The following TGFBRAP1 variants were observed in gnomAD, a reference collection of about 807,000 sequenced individuals.
TGFBRAP1 encodes transforming growth factor beta receptor associated protein 1.
In TGFBRAP1, 20 loss-of-function variants were observed where a neutral mutation model predicts 83.2. The ratio of observed to expected loss-of-function variants is 0.24; its 90% confidence interval spans 0.17 to 0.35. TGFBRAP1 has a LOEUF of 0.35. Among genes scored for constraint, TGFBRAP1 ranks in the 10% least tolerant of loss-of-function variants. TGFBRAP1 has a pLI of 1.00. For synonymous variants in TGFBRAP1, 415 were observed against 459.8 expected (o/e 0.90, Z 1.25); for missense variants, 950 against 1,099.4 (o/e 0.86, Z 1.92).
intron 4 of TGFBRAP1, among the ~76,000 whole-genome samples, chr2:105,284,970 A>G (rs1056602435): frequency 1.3e-5 from 2 of 152,182 alleles, no homozygotes; most frequent in African/African-American, 4.8e-5. Flanking sequence ...CCACATTTCC[A>G]TGACCACTTT....
At chr2:105,290,149 C>T (rs1429248028) in intron 4 of TGFBRAP1, among the ~76,000 whole-genome samples, 8 of 152,210 alleles carry the variant, frequency 5.3e-5, no homozygotes, top group Non-Finnish European at 1.2e-4. Flanking sequence ...TCACTACAAC[C>T]TCCGCCTCAC....
At chr2:105,257,182 C>G in the TGFBRAP1 span, among the ~76,000 whole-genome samples, 2 of 152,118 alleles carry the variant, frequency 1.3e-5, no homozygotes, top group Non-Finnish European at 1.5e-5. Context: ...ATTTCTTGTG[C>G]GAGATCCAAG....
In TGFBRAP1 at chr2:105,280,737, G is replaced by A. The variant is rs747400754; in HGVS notation, c.1122-14C>T. 6 of 1,605,976 alleles carry A rather than the reference G, an allele frequency of 3.7e-6. No individual in the cohort carries two copies. The Admixed American group carries it at 8.5e-5, about 23-fold the overall frequency. On this transcript the variant is annotated splice_polypyrimidine_tract_variant and intron_variant, in intron 5 of 11. Transcript: ENST00000393359. ...AGCTGGCCGCTTCTGCAATTACAGT[G>A]TCAAACTAAATGAAGCAAAAAGAGA...
chr2:105,284,899 C>T (rs151181004), intron 4 of TGFBRAP1, among the ~76,000 whole-genome samples: 2 of 152,318 alleles, frequency 1.3e-5, no homozygotes, highest in Non-Finnish European at 2.9e-5. Context: ...CACATGAACA[C>T]ACCAACATCC....
chr2:105,253,572 C>G, the TGFBRAP1 span, among the ~76,000 whole-genome samples: 1 of 152,306 alleles, frequency 6.6e-6, no homozygotes, highest in South Asian at 2.1e-4. Flanking sequence ...GCTGGGACTA[C>G]AGGCGTGTGC....
intron 1 of TGFBRAP1, among the ~76,000 whole-genome samples, chr2:105,314,573 G>C (rs1202104858): frequency 1.3e-5 from 2 of 151,906 alleles, no homozygotes; most frequent in Non-Finnish European, 2.9e-5. Context: ...TCTTACGGCA[G>C]CCCTAGAAAG....
At chr2:105,315,147 G>T (rs1198187925) in intron 1 of TGFBRAP1, among the ~76,000 whole-genome samples, 1 of 151,780 alleles carries the variant, frequency 6.6e-6, no homozygotes, top group African/African-American at 2.4e-5. Flanking sequence ...TACAATAGTA[G>T]AAAATATAAG....
chr2:105,317,196 T>C (rs1284008701), intron 1 of TGFBRAP1, among the ~76,000 whole-genome samples: 2 of 152,088 alleles, frequency 1.3e-5, no homozygotes, highest in East Asian at 1.9e-4. Context: ...CCCAGCACTC[T>C]GGGAGGCCGA....
chr2:105,307,962 C>T lies in TGFBRAP1; in HGVS notation c.340G>A (p.Ala114Thr), dbSNP rs896792927. 4 of 1,614,232 alleles carry T rather than the reference C, an allele frequency of 2.5e-6. No homozygotes were observed. The highest frequency in any genetic ancestry group is 2.2e-5 in the East Asian group (1 of 44,882). ...MLNLEPVPSG[A>T]RIKGAATFAL... ...AACGTGGCTGCCCCCTTGATGCGGG[C>T]CCCCGAAGGCACTGGCTCGAGGTTC... Residue 114 changes from alanine (A) to threonine (T), a missense_variant, in exon 2 of 12, where the codon GCC (alanine) becomes ACC (threonine). Physicochemically the swap from Ala to Thr is moderately conservative, Grantham distance 58. Transcript: ENST00000393359.
chr2:105,250,942 G>A, the TGFBRAP1 span, among the ~76,000 whole-genome samples: 25 of 152,314 alleles, frequency 1.6e-4, no homozygotes, highest in African/African-American at 5.8e-4. Flanking sequence ...AGACGGAGTC[G>A]CGTTCACTCA....
chr2:105,329,304 C>T (rs1186777685), intron 1 of TGFBRAP1, among the ~76,000 whole-genome samples: 2 of 152,024 alleles, frequency 1.3e-5, no homozygotes, highest in Admixed American at 6.5e-5. Flanking sequence ...TCACACACAA[C>T]ATACACACTT....
chr2:105,319,899 A>G (rs1466388539), intron 1 of TGFBRAP1, among the ~76,000 whole-genome samples: 1 of 151,056 alleles, frequency 6.6e-6, no homozygotes, highest in Non-Finnish European at 1.5e-5. Context: ...AAATATATAT[A>G]TTTGTTATAT....
intron 1 of TGFBRAP1, among the ~76,000 whole-genome samples, chr2:105,313,895 A>G (rs926956510): frequency 8.5e-5 from 13 of 152,128 alleles, no homozygotes; most frequent in Non-Finnish European, 1.5e-4. Context: ...TCCTTTTGAA[A>G]CAAGGAACAA....
the TGFBRAP1 span, among the ~76,000 whole-genome samples, chr2:105,257,321 A>G: frequency 1.3e-5 from 2 of 152,186 alleles, no homozygotes; most frequent in African/African-American, 4.8e-5. Context: ...ACAGATTTTA[A>G]GTGTATAGTT....
At chr2:105,278,373 T>C (rs998002569) in intron 6 of TGFBRAP1, among the ~76,000 whole-genome samples, 3 of 152,144 alleles carry the variant, frequency 2.0e-5, no homozygotes, top group African/African-American at 4.8e-5. Context: ...CTACTTTGCC[T>C]AAGCAGAGAC....
chr2:105,302,009 T>TAAAAAAAAAAAAAAAAAA (rs35548542), intron 2 of TGFBRAP1, among the ~76,000 whole-genome samples: 1 of 75,108 alleles, frequency 1.3e-5, no homozygotes, highest in African/African-American at 5.2e-5. Flanking sequence ...TAAAGAATAC[T>TAAAAAAAAAAAAAAAAAA]AAAAAAAAAA....
rs935958508 is a variant in TGFBRAP1 at position 105,265,706 on chromosome 2, T to A, written c.*1677A>T. ...TGAGCTCACACCAATTTACACAGCATACAGTTGTGCTACAAGGAGAATTTC... is the reference window on the plus strand; with the variant it reads ...TGAGCTCACACCAATTTACACAGCAAACAGTTGTGCTACAAGGAGAATTTC... On this transcript the variant is annotated 3_prime_UTR_variant, in exon 12 of 12. Transcript: ENST00000393359. The A allele has an allele frequency of 1.3e-5, 2 of 152,566 alleles. No homozygotes were observed. Among genetic ancestry groups the A allele is most frequent in the East Asian group, 1.9e-4 (1 of 5,192 alleles). 9.5% of individuals were successfully genotyped at this position (152,566 alleles called of 1,614,324 possible). A position where few individuals can be genotyped will look rare whatever the true frequency, so the allele number is the denominator to read the frequency against.
At chr2:105,306,577 C>T (rs1489433535) in intron 2 of TGFBRAP1, among the ~76,000 whole-genome samples, 3 of 151,808 alleles carry the variant, frequency 2.0e-5, no homozygotes, top group African/African-American at 7.3e-5. Flanking sequence ...GTGGGTGGAT[C>T]CCTTGAGGTC....
intron 2 of TGFBRAP1, among the ~76,000 whole-genome samples, chr2:105,300,719 G>A (rs554271423): frequency 6.6e-5 from 10 of 152,238 alleles, no homozygotes; most frequent in South Asian, 4.1e-4. Context: ...TTACTGGCAT[G>A]AGCCACTGCG....
Sources: gnomAD v4.1 joint callset for allele counts (sites outside exome capture counted in the v4.1 genomes callset) on GRCh38, gnomAD v4.1.1 for gene constraint, MANE v1.5 for transcripts, NCBI Gene and HGNC (gene_info 2026-07-23, HGNC 2026-07-21) for gene names.